Variants in RIOX2 observed in about 807,000 individuals in gnomAD.
RIOX2 encodes 60S ribosomal protein L27a histidine hydroxylase.
Under a neutral mutation model 51.2 loss-of-function variants are expected in RIOX2, and 43 were observed. That is an observed-to-expected ratio of 0.84 (90% confidence interval 0.66 to 1.08). The LOEUF (loss-of-function observed/expected upper bound fraction) is 1.08, where lower values mean the gene tolerates loss of function less well. Ranked by LOEUF, RIOX2 falls within the 50% of genes least tolerant of loss-of-function variation. RIOX2 has a pLI of 0.00. For synonymous variants in RIOX2, 226 were observed against 218.5 expected, an observed-to-expected ratio of 1.03 and a Z score of -0.30; for missense variants, 566 against 561.7, an observed-to-expected ratio of 1.01 and a Z score of -0.08.
intron 3 of RIOX2, 38 bp from the exon 4 acceptor site, chr3:97,959,217 C>G (rs377642855): frequency 6.3e-7 from 1 of 1,594,572 alleles, no homozygotes; most frequent in African/African-American, 1.3e-5. Context: ...CAGAGAGCTT[C>G]CTGACAACTC....
Position 97,967,486 on chromosome 3 carries a change from G to T in RIOX2, c.108C>A (p.Asp36Glu). The T allele has an allele frequency of 6.2e-7, 1 of 1,614,128 alleles. No individual in the cohort carries two copies. The highest frequency in any genetic ancestry group is 8.5e-7 in the Non-Finnish European group (1 of 1,180,036). The change falls in exon 2 of 10, where the codon GAC (aspartate) becomes GAA (glutamate). Residue 36 changes from aspartate to glutamate, a missense_variant. Physicochemically the swap from Asp to Glu is conservative, Grantham distance 45. Transcript: ENST00000394198. The part of the protein sequence containing the change: ...AAGGPSALNF[D>E]SPSSLFESLI... ...AACTTTCAAAGAGACTACTGGGACT[G>T]TCAAAGTTTAAAGCTGAAGGCCCCC...
chr3:97,957,537 A>T (rs997226341), intron 4 of RIOX2, among the ~76,000 whole-genome samples: 12 of 151,146 alleles, frequency 7.9e-5, no homozygotes, highest in Non-Finnish European at 1.5e-4. Flanking sequence ...ACACATACAC[A>T]CTTGAACAAT....
Position 97,945,010 on chromosome 3 carries a change from T to C in RIOX2, c.*174A>G. The C allele has an allele frequency of 2.1e-6, 1 of 465,186 alleles. No individual in the cohort carries two copies. 28.8% of individuals were successfully genotyped at this position (465,186 alleles called of 1,614,324 possible). A position where few individuals can be genotyped will look rare whatever the true frequency, so the allele number is the denominator to read the frequency against. ...CACTTGGTAATTTGCTGTTCTTTCT[T>C]TCATGTGCCCGTTAGTACATTTGGC... On this transcript the variant is annotated 3_prime_UTR_variant, in exon 10 of 10. Transcript: ENST00000394198.
intron 1 of RIOX2, among the ~76,000 whole-genome samples, chr3:97,971,204 T>C (rs1359253658): frequency 6.6e-6 from 1 of 152,220 alleles, no homozygotes; most frequent in Non-Finnish European, 1.5e-5. Flanking sequence ...AGTATGAATT[T>C]CTACATCCCC....
intron 9 of RIOX2, 38 bp from the exon 10 acceptor site, chr3:97,945,380 C>G: frequency 6.5e-7 from 1 of 1,542,074 alleles, no homozygotes; most frequent in Non-Finnish European, 8.8e-7. Context: ...TATATGTATA[C>G]TACTTATGTC....
At chr3:97,951,141 C>T (rs1394134083) in intron 5 of RIOX2, 7 of 385,482 alleles carry the variant, frequency 1.8e-5, no homozygotes, top group Non-Finnish European at 2.4e-5. Context: ...GGCTTCAATA[C>T]TGATTTCTCT....
chr3:97,971,134 G>C (rs1169222204), intron 1 of RIOX2, among the ~76,000 whole-genome samples: 1 of 152,248 alleles, frequency 6.6e-6, no homozygotes, highest in African/African-American at 2.4e-5. Context: ...GGATTCAAGA[G>C]TATCGTAAAA....
Position 97,967,636 on chromosome 3 carries a change from C to T in RIOX2, c.-39-4G>A. ...AAAGCAGTAAGGAAATGCAAACCTA[C>T]CAAAAGAACAAAACACACATGGTTA... On this transcript the variant is annotated splice_region_variant and splice_polypyrimidine_tract_variant and intron_variant, in intron 1 of 9. Transcript: ENST00000394198. The T allele has an allele frequency of 6.6e-7, 1 of 1,511,042 alleles. No individual in the cohort carries two copies. 93.6% of individuals were successfully genotyped at this position (1,511,042 alleles called of 1,614,324 possible).
intron 3 of RIOX2, 64 bp downstream of exon 3, chr3:97,961,525 C>G (rs953911350): frequency 1.3e-6 from 2 of 1,529,788 alleles, no homozygotes; most frequent in African/African-American, 2.8e-5. Context: ...CCTGACAACT[C>G]TACTAAACCA....
intron 3 of RIOX2, 101 bp downstream of exon 3, chr3:97,961,488 G>C (rs1705671161): frequency 2.3e-6 from 3 of 1,303,330 alleles, no homozygotes; most frequent in Non-Finnish European, 3.1e-6. Context: ...ACAGACCTAA[G>C]AGCCTTAGAG....
chr3:97,942,403 C>A lies in RIOX2; in HGVS notation c.*2781G>T. ...GGAGACTGAATAAAAATGGAACTAT[C>A]AGCTCTTATCTCAGTGATCAACTTG... On this transcript the variant is annotated 3_prime_UTR_variant, in exon 10 of 10. Coordinates refer to ENST00000394198, the MANE Select transcript of RIOX2 (RefSeq NM_153182.4). The A allele has an allele frequency of 1.2e-6, 2 of 1,611,594 alleles. No individual in the cohort carries two copies. Among genetic ancestry groups the A allele is most frequent in the Non-Finnish European group, 1.7e-6 (2 of 1,178,352 alleles).
At chr3:97,957,393 G>A (rs1408257005) in intron 4 of RIOX2, among the ~76,000 whole-genome samples, 2 of 151,964 alleles carry the variant, frequency 1.3e-5, no homozygotes, top group African/African-American at 4.8e-5. Flanking sequence ...CTACTCGGGA[G>A]GCTGAGGCAG....
rs147474774 is a variant in RIOX2, at chr3:97,970,258, C to T, written c.-40+2123G>A. On this transcript the variant is annotated intron_variant, in intron 1 of 9. Transcript: ENST00000394198. The stretch of plus-strand genomic sequence containing the variant: ...AAACCCCAATACTGTATAACAAATG[C>T]TTTCCTTAGAATATAAATTTCACTA... Among the ~76,000 whole-genome samples the T allele has an allele frequency of 4.9e-3, 746 of 152,322 alleles. 6 individuals are homozygous for T. Among genetic ancestry groups the T allele is most frequent in the African/African-American group, 0.017 (708 of 41,572 alleles).
Position 97,944,936 on chromosome 3 carries a change from C to T in RIOX2, c.*248G>A, listed in dbSNP as rs2040318871. The T allele has an allele frequency of 1.0e-5, 3 of 297,236 alleles. No individual in the cohort carries two copies. Among genetic ancestry groups the T allele is most frequent in the South Asian group, 1.1e-4 (1 of 9,320 alleles). The allele number at this position is 297,236 out of a possible 1,614,324, so 18.4% of individuals were successfully genotyped here. ...CATTGGAATTGTGCCTTTTCTACCA[C>T]ACTGGATTAAATAAACTTGTCAAAA... is the stretch of plus-strand genomic sequence containing the variant. On this transcript the variant is annotated 3_prime_UTR_variant, in exon 10 of 10. Coordinates refer to ENST00000394198, the MANE Select transcript of RIOX2 (RefSeq NM_153182.4).
rs1468456515 is a variant in RIOX2, at chr3:97,959,137, A to G, written c.595T>C (p.Tyr199His). The G allele has an allele frequency of 6.2e-7, 1 of 1,613,890 alleles. No individual in the cohort carries two copies. Among genetic ancestry groups the G allele is most frequent in the Non-Finnish European group, 8.5e-7 (1 of 1,179,974 alleles). ...CGTGCCAGGGGCACAGTGGGGTGGT[A>G]GAGGCGCCAGTGTTTCTCTCCCTCC... Reference protein sequence around the residue: ...QLEGEKHWRLYHPTVPLAREY... With the variant: ...QLEGEKHWRLHHPTVPLAREY... Residue 199 changes from tyrosine to histidine, a missense_variant, in exon 4 of 10, where the codon TAC becomes CAC. Coordinates refer to ENST00000394198, the MANE Select transcript of RIOX2 (RefSeq NM_153182.4).
At chr3:97,961,549 T>C (rs1412270904) in intron 3 of RIOX2, 40 bp downstream of exon 3, 2 of 1,565,828 alleles carry the variant, frequency 1.3e-6, no homozygotes, top group Non-Finnish European at 8.6e-7. Context: ...TCTCAACAAC[T>C]CATTCTTCCC....
Position 97,961,618 on chromosome 3 carries a change from C to G in RIOX2, c.523G>C (p.Gly175Arg). 7.5e-6 allele frequency: 12 copies of G among 1,609,198 alleles called. No homozygotes were observed. Among genetic ancestry groups the G allele is most frequent in the Non-Finnish European group, 1.0e-5 (12 of 1,178,830 alleles). ...ACATCATCATAATGGGGCGGCAGGCCCTGAGATCCTGCGGGAGTTATGTAC... is the reference window on the plus strand; with the variant it reads ...ACATCATCATAATGGGGCGGCAGGCGCTGAGATCCTGCGGGAGTTATGTAC... Reference protein sequence around the residue: ...NVYITPAGSQGLPPHYDDVEV... With the variant: ...NVYITPAGSQRLPPHYDDVEV... The change falls in exon 3 of 10, where the codon GGC (glycine) becomes CGC (arginine). Residue 175 changes from glycine (G) to arginine (R), a missense_variant. Physicochemically the swap from Gly to Arg is moderately radical, Grantham distance 125. Transcript: ENST00000394198.
intron 2 of RIOX2, among the ~76,000 whole-genome samples, chr3:97,962,848 C>A (rs1322453784): frequency 6.6e-6 from 1 of 152,094 alleles, no homozygotes; most frequent in Non-Finnish European, 1.5e-5. Flanking sequence ...AATGATGGAG[C>A]CAGGATTCAA....
rs1175787372 is a variant in RIOX2, at chr3:97,943,323, AC to A, written c.*1860del. The stretch of plus-strand genomic sequence containing the variant: ...ACATTGAAATATTGTGAGAGAATCA[AC>A]ATCCCTAGAAAGATCCCTAGAAAGA... On this transcript the variant is annotated 3_prime_UTR_variant, in exon 10 of 10. Transcript: ENST00000394198. The A allele has an allele frequency of 6.8e-7, 1 of 1,465,034 alleles. No homozygotes were observed. The highest frequency in any genetic ancestry group is 9.6e-7 in the Non-Finnish European group (1 of 1,047,072). 90.8% of individuals were successfully genotyped at this position (1,465,034 alleles called of 1,614,324 possible).
Sources: gnomAD v4.1 joint callset for allele counts (sites outside exome capture counted in the v4.1 genomes callset) on GRCh38, gnomAD v4.1.1 for gene constraint, MANE v1.5 for transcripts, NCBI Gene and HGNC (gene_info 2026-07-23, HGNC 2026-07-21) for gene names.